The following SURF1 variants were observed in gnomAD, a reference collection of about 807,000 sequenced individuals.
SURF1 encodes the protein SURF1 cytochrome c oxidase assembly factor.
SURF1 carries 45 observed loss-of-function variants against 34.1 expected under a neutral mutation model. The observed-to-expected ratio is 1.32, with a 90% CI of 1.04 to 1.69. The LOEUF is 1.69. Ranked by LOEUF, SURF1 falls within the 40% of genes most tolerant of loss-of-function variation. The probability of loss-of-function intolerance (pLI) is 0.00; values close to 1 mark genes in which losing one functional copy is unlikely to be tolerated. For missense variants in SURF1, 456 were observed against 384.6 expected (o/e 1.19, Z -1.55); for synonymous variants, 188 against 147.5 (o/e 1.27, Z -1.99).
At position 133,352,343 on chromosome 9, in the gene SURF1, TGTGAGAACATAAGCCACAGTA is replaced by T. The variant is rs1836443647; in HGVS notation, c.751+82_751+102del. ...CCTCCTCCCACCCGCCATATACACA[TGTGAGAACATAAGCCACAGTA>T]GTGACTGGGCAATGAGGGTTAGGAG... is the stretch of plus-strand genomic sequence containing the variant. On this transcript the variant is annotated intron_variant, in intron 7 of 8. Transcript: ENST00000371974. 22 of 1,577,398 alleles carry T rather than the reference TGTGAGAACATAAGCCACAGTA, an allele frequency of 1.4e-5. 1 individual carries two copies. The South Asian group carries it at 2.5e-4, about 18-fold the overall frequency.
chr9:133,354,562 A>G, intron 4 of SURF1, 97 bp downstream of exon 4: 1 of 1,445,894 alleles, frequency 6.9e-7, no homozygotes, highest in East Asian at 2.3e-5. Flanking sequence ...GCAGTGACTA[A>G]AAGTCCCACC....
rs2130017594 is a variant in SURF1 at position 133,354,648 on chromosome 9, C to T, written c.323+11G>A. ...GTAAAACAGGCCCTAGGGGGGCAGCCATGCACTCACTCGGCTGGCAGAGGG... is the reference window on the plus strand; with the variant it reads ...GTAAAACAGGCCCTAGGGGGGCAGCTATGCACTCACTCGGCTGGCAGAGGG... On this transcript the variant is annotated intron_variant, in intron 4 of 8. Transcript: ENST00000371974. 1.9e-6 allele frequency: 3 copies of T among 1,612,270 alleles called. No homozygotes were observed. In the Admixed American group the frequency reaches 5.0e-5, roughly 27 times the overall value.
At position 133,356,429 on chromosome 9, in the gene SURF1, G is replaced by C; in HGVS notation, c.25C>G (p.Leu9Val). Residue 9 changes from leucine (L) to valine (V), a missense_variant, in exon 1 of 9, where the codon CTG becomes GTG. Coordinates refer to ENST00000371974, the MANE Select transcript of SURF1 (RefSeq NM_003172.4). ...CCCAGCCCCGCCGCCCGCAGCCCCA[G>C]CTGCAACGCAGCCACCGCCGCCATC... MAAVAALQ[L>V]GLRAAGLGRA... 7.1e-7 allele frequency: 1 copy of C among 1,403,618 alleles called. No homozygotes were observed. Among genetic ancestry groups the C allele is most frequent in the Non-Finnish European group, 9.3e-7 (1 of 1,079,192 alleles). The allele number at this position is 1,403,618 out of a possible 1,614,324, so 86.9% of individuals were successfully genotyped here.
rs2130002033 is a variant in SURF1, at chr9:133,351,839, T to C, written c.*74A>G. 1.1e-5 allele frequency: 17 copies of C among 1,490,176 alleles called. No individual in the cohort carries two copies. Among genetic ancestry groups the C allele is most frequent in the African/African-American group, 5.5e-5 (4 of 72,880 alleles). 92.3% of individuals were successfully genotyped at this position (1,490,176 alleles called of 1,614,324 possible). On this transcript the variant is annotated 3_prime_UTR_variant, in exon 9 of 9. Transcript: ENST00000371974. ...GTAGAAGGCCAGAACTTTATACCAG[T>C]AGCACATGATCCAGCATAAAGGCAG... is the stretch of plus-strand genomic sequence containing the variant.
At chr9:133,356,183 C>T in intron 2 of SURF1, 86 bp downstream of exon 2, 1 of 1,499,456 alleles carries the variant, frequency 6.7e-7, no homozygotes, top group Non-Finnish European at 9.0e-7. Context: ...TCATTTCAAT[C>T]CCCACGACAA....
rs1030368608 is a variant in SURF1 at position 133,352,290 on chromosome 9, C to G, written c.752-148G>C. ...CATCCCCGCCCTTGTCCGCTCAGTA[C>G]TTGCCTAGGTTCTTTGCTGAGTTGC... On this transcript the variant is annotated intron_variant, in intron 7 of 8. Coordinates refer to ENST00000371974, the MANE Select transcript of SURF1 (RefSeq NM_003172.4). The G allele has an allele frequency of 5.0e-6, 7 of 1,407,742 alleles. No individual in the cohort carries two copies. The African/African-American group carries it at 8.5e-5, about 17-fold the overall frequency. 87.2% of individuals were successfully genotyped at this position (1,407,742 alleles called of 1,614,324 possible).
Position 133,354,864 on chromosome 9 carries a change from A to G in SURF1, c.200T>C (p.Leu67Pro), listed in dbSNP as rs2130019292. 1.9e-6 allele frequency: 3 copies of G among 1,614,004 alleles called. No homozygotes were observed. The highest frequency in any genetic ancestry group is 2.5e-6 in the Non-Finnish European group (3 of 1,180,034). Reference sequence around the variant, plus strand: ...GCCAAAGGCAGTCACAGGGATGAGGAGCAGGACCCACTGAAGAAAGGAGTC... The same window carrying G: ...GCCAAAGGCAGTCACAGGGATGAGGGGCAGGACCCACTGAAGAAAGGAGTC... ...EDDSFLQWVL[L>P]LIPVTAFGLG... Residue 67 changes from leucine (L) to proline (P), a missense_variant, in exon 3 of 9, where the codon CTC becomes CCC. Coordinates refer to ENST00000371974, the MANE Select transcript of SURF1 (RefSeq NM_003172.4).
In SURF1 at chr9:133,354,855, G is replaced by C. The variant is rs2130019173; in HGVS notation, c.209C>G (p.Pro70Arg). The change falls in exon 3 of 9, where the codon CCT becomes CGT. Residue 70 changes from proline to arginine, a missense_variant. By Grantham distance (103) the Pro-to-Arg change is moderately radical (BLOSUM62 -2). Coordinates refer to ENST00000371974, the MANE Select transcript of SURF1 (RefSeq NM_003172.4). ...TGTCCCCAAGCCAAAGGCAGTCACA[G>C]GGATGAGGAGCAGGACCCACTGAAG... Reference protein sequence around the residue: ...SFLQWVLLLIPVTAFGLGTWQ... With the variant: ...SFLQWVLLLIRVTAFGLGTWQ... 6 of 1,613,934 alleles carry C rather than the reference G, an allele frequency of 3.7e-6. No homozygotes were observed. Among genetic ancestry groups the C allele is most frequent in the Non-Finnish European group, 5.1e-6 (6 of 1,180,052 alleles).
chr9:133,356,311 T>A lies in SURF1; in HGVS notation c.64A>T (p.Ser22Cys). ...CTGAGGACGCTCCTCCAGGCGGCGCTGGCCGGGGCCTGCGGACACGGACGG... is the reference window on the plus strand; with the variant it reads ...CTGAGGACGCTCCTCCAGGCGGCGCAGGCCGGGGCCTGCGGACACGGACGG... Reference protein sequence around the residue: ...RAAGLGRAPASAAWRSVLRVS... With the variant: ...RAAGLGRAPACAAWRSVLRVS... Residue 22 changes from serine to cysteine, a missense_variant, in exon 2 of 9, where the codon AGC becomes TGC. By Grantham distance (112) the Ser-to-Cys change is moderately radical. Coordinates refer to ENST00000371974, the MANE Select transcript of SURF1 (RefSeq NM_003172.4). 1 of 1,523,654 alleles carries A rather than the reference T, an allele frequency of 6.6e-7. No homozygotes were observed. The highest frequency in any genetic ancestry group is 8.8e-7 in the Non-Finnish European group (1 of 1,142,278). 94.4% of individuals were successfully genotyped at this position (1,523,654 alleles called of 1,614,324 possible). A position where few individuals can be genotyped will look rare whatever the true frequency, so the allele number is the denominator to read the frequency against.
chr9:133,355,303 G>A (rs956502917), intron 2 of SURF1, among the ~76,000 whole-genome samples: 2 of 152,150 alleles, frequency 1.3e-5, no homozygotes, highest in South Asian at 2.1e-4. Flanking sequence ...ACAGTTGGCC[G>A]GGCACGGTGG....
rs1391748504 is a variant in SURF1 at position 133,352,143 on chromosome 9, C to G, written c.752-1G>C. On this transcript the variant is annotated splice_acceptor_variant, in intron 7 of 8. Transcript: ENST00000371974. LOFTEE classifies it high-confidence loss of function. ...ATGGGTCCTCCAGGGACTGTGCTCT[C>G]TGTGGAGACAGCAGACTCAAGTCCA... 3 of 1,595,174 alleles carry G rather than the reference C, an allele frequency of 1.9e-6. No individual in the cohort carries two copies. Among genetic ancestry groups the G allele is most frequent in the Admixed American group, 1.7e-5 (1 of 57,264 alleles).
chr9:133,352,565 T>C lies in SURF1; in HGVS notation c.632A>G (p.Glu211Gly), dbSNP rs1336678903. 12 of 1,614,196 alleles carry C rather than the reference T, an allele frequency of 7.4e-6. No individual in the cohort carries two copies. In the East Asian group the frequency reaches 2.5e-4, roughly 33 times the overall value. Residue 211 changes from glutamate to glycine, a missense_variant, in exon 7 of 9, where the codon GAA (glutamate) becomes GGA (glycine). By Grantham distance (98) the Glu-to-Gly change is moderately conservative. Transcript: ENST00000371974. ...VDLIGMVRLT[E>G]TRQPFVPENN... Reference sequence around the variant, plus strand: ...CTCAGGGACAAAAGGCTGCCTGGTTTCTGTCAGCCTCACCATCCCAATGAG... The same window carrying C: ...CTCAGGGACAAAAGGCTGCCTGGTTCCTGTCAGCCTCACCATCCCAATGAG...
intron 2 of SURF1, 165 bp downstream of exon 2, chr9:133,356,104 A>G (rs2130024140): frequency 1.0e-6 from 1 of 955,312 alleles, no homozygotes. Flanking sequence ...CACGACCACA[A>G]TTCCACTGAA....
At chr9:133,353,443 G>A (rs1408437610) in intron 5 of SURF1, among the ~76,000 whole-genome samples, 3 of 152,160 alleles carry the variant, frequency 2.0e-5, no homozygotes, top group Admixed American at 6.5e-5. Flanking sequence ...GCCCCTCATA[G>A]CTTGCCATCA....
intron 2 of SURF1, chr9:133,356,057 G>A: frequency 1.6e-6 from 1 of 634,444 alleles, no homozygotes; most frequent in South Asian, 1.8e-5. Context: ...GCTACCTCTC[G>A]CGTTGTGAGG....
At position 133,353,815 on chromosome 9, in the gene SURF1, C is replaced by T; in HGVS notation, c.449G>A (p.Gly150Asp). ...VDPVREAREG[G>D]LISSSTQSGA... Reference sequence around the variant, plus strand: ...ACTCTGAGTTGAGGAGGAGATGAGGCCGCCCTCCCGGGCCTCCCGGACAGG... The same window carrying T: ...ACTCTGAGTTGAGGAGGAGATGAGGTCGCCCTCCCGGGCCTCCCGGACAGG... Residue 150 changes from glycine to aspartate, a missense_variant, in exon 5 of 9, where the codon GGC (glycine) becomes GAC (aspartate). Gly to Asp is a moderately conservative substitution (Grantham distance 94). Transcript: ENST00000371974. 6.2e-7 allele frequency: 1 copy of T among 1,613,816 alleles called. No homozygotes were observed. Among genetic ancestry groups the T allele is most frequent in the East Asian group, 2.2e-5 (1 of 44,886 alleles).
intron 5 of SURF1, 53 bp from the exon 6 acceptor site, chr9:133,352,819 G>A (rs1180798862): frequency 2.6e-6 from 4 of 1,526,168 alleles, no homozygotes; most frequent in East Asian, 4.7e-5. Context: ...ACTAAAGACA[G>A]TCACTCATGG....
Position 133,356,478 on chromosome 9 carries a change from C to T in SURF1, c.-25G>A, listed in dbSNP as rs2130027277. On this transcript the variant is annotated 5_prime_UTR_variant, in exon 1 of 9. Coordinates refer to ENST00000371974, the MANE Select transcript of SURF1 (RefSeq NM_003172.4). Reference sequence around the variant, plus strand: ...TCGCACCCGGCCCCGCGGGCGCTTCCGGGACGCAGGAAGCATCTGCATCCG... The same window carrying T: ...TCGCACCCGGCCCCGCGGGCGCTTCTGGGACGCAGGAAGCATCTGCATCCG... 15 of 1,427,810 alleles carry T rather than the reference C, an allele frequency of 1.1e-5. No individual in the cohort carries two copies. The African/African-American group carries it at 1.9e-4, about 18-fold the overall frequency. The allele number at this position is 1,427,810 out of a possible 1,614,324, so 88.4% of individuals were successfully genotyped here. A position where few individuals can be genotyped will look rare whatever the true frequency, so the allele number is the denominator to read the frequency against.
Position 133,352,725 on chromosome 9 carries a change from T to TTA in SURF1, c.556_557insTA (p.Lys186IlefsTer3). ...TTTCTGCCGGGTTTCAGGATTCACT[T>TTA]TCTTCCTGGGAACGAACCCTCTATT... On this transcript the variant is annotated frameshift_variant, in exon 6 of 9. Coordinates refer to ENST00000371974, the MANE Select transcript of SURF1 (RefSeq NM_003172.4). LOFTEE classifies it high-confidence loss of function. 6.2e-7 allele frequency: 1 copy of TTA among 1,613,256 alleles called. No homozygotes were observed.
Sources: allele counts gnomAD v4.1 joint callset (sites outside exome capture counted in the v4.1 genomes callset), GRCh38; gene constraint gnomAD v4.1.1; transcripts MANE v1.5; gene names NCBI Gene and HGNC (gene_info 2026-07-23, HGNC 2026-07-21).